Variants in ATXN1 observed in about 807,000 individuals in gnomAD.
ATXN1 encodes the protein ataxin 1, also known as ataxin-1.
A neutral mutation model predicts 56.4 loss-of-function variants in ATXN1; 8 were observed. The observed-to-expected ratio is 0.14, with a 90% CI of 0.08 to 0.26. The LOEUF is 0.26. ATXN1 is among the 10% of genes least tolerant of loss of function. ATXN1 has a pLI of 1.00. For synonymous variants in ATXN1, 514 were observed against 494.6 expected, an observed-to-expected ratio of 1.04 and a Z score of -0.52; for missense variants, 987 against 1,106.5, an observed-to-expected ratio of 0.89 and a Z score of 1.53.
In ATXN1 at chr6:16,301,982, A is replaced by AAAAT. The variant is rs1760117442; in HGVS notation, c.*4343_*4346dup. The AAAAT allele has an allele frequency of 6.5e-6, 1 of 152,706 alleles. No individual in the cohort carries two copies. The highest frequency in any genetic ancestry group is 2.4e-5 in the African/African-American group (1 of 41,462). 9.5% of individuals were successfully genotyped at this position (152,706 alleles called of 1,614,324 possible). A position where few individuals can be genotyped will look rare whatever the true frequency, so the allele number is the denominator to read the frequency against. ...AACAAAATCCAGAGCTACAACAACA[A>AAAAT]AAATAAATTTTGGCAACATATTTCA... On this transcript the variant is annotated 3_prime_UTR_variant, in exon 8 of 8. Transcript: ENST00000436367.
intron 4 of ATXN1, among the ~76,000 whole-genome samples, chr6:16,576,956 G>A (rs1194018995): frequency 2.0e-5 from 3 of 152,168 alleles, no homozygotes; most frequent in African/African-American, 7.2e-5. Context: ...CTGTGATTAA[G>A]AGAGAAGCTA....
intron 2 of ATXN1, among the ~76,000 whole-genome samples, chr6:16,696,792 G>A (rs1050593793): frequency 6.6e-6 from 1 of 152,162 alleles, no homozygotes; most frequent in Admixed American, 6.5e-5. Flanking sequence ...GGCGACCTGA[G>A]AGAATTTTTA....
chr6:16,317,179 C>T (rs1760532078), intron 7 of ATXN1, among the ~76,000 whole-genome samples: 3 of 152,116 alleles, frequency 2.0e-5, no homozygotes, highest in African/African-American at 7.2e-5. Context: ...TGAAAATAAA[C>T]TCATGGGAGC....
intron 2 of ATXN1, among the ~76,000 whole-genome samples, chr6:16,663,041 C>T (rs117768666): frequency 0.021 from 2,977 of 140,898 alleles, 56 homozygotes; most frequent in East Asian, 0.11. Context: ...GGTGCAATGT[C>T]GGCTCGCTGC....
At chr6:16,473,224 T>C (rs557890903) in intron 6 of ATXN1, among the ~76,000 whole-genome samples, 3 of 152,220 alleles carry the variant, frequency 2.0e-5, no homozygotes, top group South Asian at 2.1e-4. Flanking sequence ...CTTCCAACAT[T>C]TGAGTTATAA....
intron 6 of ATXN1, among the ~76,000 whole-genome samples, chr6:16,395,602 A>G (rs1171757053): frequency 1.3e-5 from 2 of 152,242 alleles, no homozygotes; most frequent in African/African-American, 4.8e-5. Flanking sequence ...AGTATAGCAC[A>G]TGCAATTACG....
intron 4 of ATXN1, among the ~76,000 whole-genome samples, chr6:16,563,501 G>C (rs894296023): frequency 1.3e-5 from 2 of 152,140 alleles, no homozygotes; most frequent in African/African-American, 4.8e-5. Context: ...TGGCTATAGT[G>C]ACCAAGAGTG....
intron 6 of ATXN1, among the ~76,000 whole-genome samples, chr6:16,335,614 G>A (rs986600044): frequency 1.3e-5 from 2 of 152,210 alleles, no homozygotes; most frequent in South Asian, 2.1e-4. Context: ...TTGAATGGTA[G>A]ATCCCTAAAA....
rs370203501 is a variant in ATXN1, at chr6:16,746,622, G to C, written c.-615+6611C>G. 4.6e-5 allele frequency among the ~76,000 whole-genome samples: 7 copies of C among 152,272 alleles called. No individual in the cohort carries two copies. The East Asian group carries it at 1.3e-3, about 29-fold the overall frequency. ...ACCTCCAGAAATGGATGTTGTTTGG[G>C]ACATGGTAGCAAGAACAGTAAAAAG... On this transcript the variant is annotated intron_variant, in intron 2 of 7. Coordinates refer to ENST00000436367, the MANE Select transcript of ATXN1 (RefSeq NM_001128164.2).
At chr6:16,403,949 G>C (rs1561883129) in intron 6 of ATXN1, among the ~76,000 whole-genome samples, 2 of 152,024 alleles carry the variant, frequency 1.3e-5, no homozygotes, top group Admixed American at 6.5e-5. Context: ...TGACAATATA[G>C]AGACACTGGA....
chr6:16,679,622 T>C (rs1037013457), intron 2 of ATXN1, among the ~76,000 whole-genome samples: 2 of 152,208 alleles, frequency 1.3e-5, no homozygotes, highest in Non-Finnish European at 2.9e-5. Context: ...GCACAATCCT[T>C]TACTGCACTT....
chr6:16,485,197 CCTAA>C (rs772051346), intron 6 of ATXN1: 8 of 152,074 alleles, frequency 5.3e-5, no homozygotes, highest in Non-Finnish European at 1.2e-4. Flanking sequence ...GTCAAAATCT[CCTAA>C]CTGTGTTTTG....
chr6:16,726,505 T>C (rs1193219420), intron 2 of ATXN1, among the ~76,000 whole-genome samples: 1 of 152,172 alleles, frequency 6.6e-6, no homozygotes, highest in Non-Finnish European at 1.5e-5. Context: ...TCTTCGTAGA[T>C]GATACCAATT....
At chr6:16,466,243 C>T (rs901314211) in intron 6 of ATXN1, among the ~76,000 whole-genome samples, 12 of 133,650 alleles carry the variant, frequency 9.0e-5, no homozygotes, top group Admixed American at 5.1e-4. Context: ...TGTACCCAGG[C>T]GGGGGCAGAG....
At chr6:16,712,056 G>A (rs1028079285) in intron 2 of ATXN1, among the ~76,000 whole-genome samples, 1 of 152,120 alleles carries the variant, frequency 6.6e-6, no homozygotes, top group East Asian at 1.9e-4. Flanking sequence ...TTGATGACGG[G>A]GAGGTGGAAA....
chr6:16,740,173 T>A (rs1007137305), intron 2 of ATXN1, among the ~76,000 whole-genome samples: 4 of 152,176 alleles, frequency 2.6e-5, no homozygotes, highest in Non-Finnish European at 5.9e-5. Flanking sequence ...GCAAACTACT[T>A]CTGCAAAGAA....
chr6:16,451,798 T>C (rs1759759350), intron 6 of ATXN1, among the ~76,000 whole-genome samples: 1 of 150,846 alleles, frequency 6.6e-6, no homozygotes, highest in African/African-American at 2.4e-5. Context: ...GAAAGAAACG[T>C]GGAGTTTGTA....
At chr6:16,440,436 GAAGTAA>G (rs1759490619) in intron 6 of ATXN1, among the ~76,000 whole-genome samples, 1 of 148,450 alleles carries the variant, frequency 6.7e-6, no homozygotes, top group Non-Finnish European at 1.5e-5. Flanking sequence ...GAAAGAATTT[GAAGTAA>G]AAGAAAAAAA....
At chr6:16,450,256 C>T (rs1443145647) in intron 6 of ATXN1, among the ~76,000 whole-genome samples, 1 of 152,196 alleles carries the variant, frequency 6.6e-6, no homozygotes, top group African/African-American at 2.4e-5. Flanking sequence ...TATATGATTG[C>T]AAACACTCAG....
Sources: allele counts gnomAD v4.1 joint callset (sites outside exome capture counted in the v4.1 genomes callset), GRCh38; gene constraint gnomAD v4.1.1; transcripts MANE v1.5; gene names NCBI Gene and HGNC (gene_info 2026-07-23, HGNC 2026-07-21).